The following CD302 variants were observed in gnomAD, a reference collection of about 807,000 sequenced individuals.
CD302 encodes the protein CD302 antigen.
In CD302, 23 loss-of-function variants were observed where a neutral mutation model predicts 26.5. The ratio of observed to expected loss-of-function variants is 0.87; its 90% CI spans 0.62 to 1.23. CD302 has a LOEUF of 1.23. CD302 is among the 50% of genes most tolerant of loss of function. The probability of loss-of-function intolerance (pLI) is 0.00; values close to 1 mark genes in which losing one functional copy is unlikely to be tolerated. For missense variants in CD302, 290 were observed against 275.5 expected, an observed-to-expected ratio of 1.05 and a Z score of -0.37; for synonymous variants, 90 against 99.4, an observed-to-expected ratio of 0.91 and a Z score of 0.56.
intron 1 of CD302, among the ~76,000 whole-genome samples, chr2:159,788,787 T>A (rs796510476): frequency 3.3e-5 from 5 of 152,224 alleles, no homozygotes; most frequent in Admixed American, 2.0e-4. Flanking sequence ...CTTATTTTCA[T>A]TGGTCACTTT....
chr2:159,781,199 T>C (rs1029009289), intron 2 of CD302, among the ~76,000 whole-genome samples: 9 of 152,196 alleles, frequency 5.9e-5, no homozygotes, highest in African/African-American at 9.6e-5. Context: ...ATTTATGTCA[T>C]TGAAATTATG....
At chr2:159,784,180 A>G (rs189401817) in intron 1 of CD302, among the ~76,000 whole-genome samples, 4 of 152,108 alleles carry the variant, frequency 2.6e-5, no homozygotes, top group African/African-American at 9.7e-5. Flanking sequence ...GTAACCCTGC[A>G]AGAGTTGATT....
chr2:159,792,350 CTG>C (rs1383649073), intron 1 of CD302, among the ~76,000 whole-genome samples: 1 of 152,056 alleles, frequency 6.6e-6, no homozygotes, highest in Non-Finnish European at 1.5e-5. Context: ...GATTGTCACA[CTG>C]TCTTATTTCC....
intron 2 of CD302, chr2:159,781,532 C>T (rs1001305597): frequency 3.4e-5 from 5 of 148,136 alleles, no homozygotes; most frequent in Non-Finnish European, 7.4e-5. Context: ...TGCACTCCAG[C>T]CTGGGCAACA....
At chr2:159,784,708 A>G (rs556971817) in intron 1 of CD302, among the ~76,000 whole-genome samples, 3 of 152,198 alleles carry the variant, frequency 2.0e-5, no homozygotes, top group African/African-American at 7.2e-5. Context: ...GCCCTACCAC[A>G]AAGATCAGAA....
At chr2:159,790,224 CAG>C in intron 1 of CD302, among the ~76,000 whole-genome samples, 1 of 152,092 alleles carries the variant, frequency 6.6e-6, no homozygotes, top group East Asian at 1.9e-4. Context: ...GACAGACAAA[CAG>C]ATATTCCGAA....
chr2:159,772,123 C>T (rs1419318145), intron 5 of CD302, 70 bp from the exon 6 acceptor site: 2 of 1,510,976 alleles, frequency 1.3e-6, no homozygotes, highest in East Asian at 2.4e-5. Flanking sequence ...TTTTGATGAG[C>T]ACAACTGTAG....
At chr2:159,781,888 A>T (rs1708523313) in intron 2 of CD302, among the ~76,000 whole-genome samples, 1 of 98,362 alleles carries the variant, frequency 1.0e-5, no homozygotes. Flanking sequence ...TCTATAATAA[A>T]TGTATATGAT....
At chr2:159,776,867 G>A (rs768024207) in intron 5 of CD302, among the ~76,000 whole-genome samples, 4 of 151,982 alleles carry the variant, frequency 2.6e-5, no homozygotes, top group African/African-American at 7.3e-5. Context: ...CACCGTGCCC[G>A]GCTAAGTTTT....
intron 4 of CD302, among the ~76,000 whole-genome samples, chr2:159,779,057 C>T (rs893932525): frequency 3.3e-5 from 5 of 151,582 alleles, no homozygotes; most frequent in Non-Finnish European, 7.4e-5. Context: ...TGGTGAAACC[C>T]CATCTCTACT....
At chr2:159,779,868 G>A in intron 4 of CD302, 137 bp downstream of exon 4, 1 of 1,002,962 alleles carries the variant, frequency 1.0e-6, no homozygotes. Flanking sequence ...TTACCATAAT[G>A]CTGGGATTGC....
chr2:159,790,657 G>C (rs1234322849), intron 1 of CD302, among the ~76,000 whole-genome samples: 2 of 151,432 alleles, frequency 1.3e-5, no homozygotes, highest in East Asian at 3.9e-4. Context: ...TCCTTTTATT[G>C]CTCTTTTTCT....
chr2:159,788,251 A>T (rs1432307501), intron 1 of CD302, among the ~76,000 whole-genome samples: 1 of 152,214 alleles, frequency 6.6e-6, no homozygotes, highest in African/African-American at 2.4e-5. Flanking sequence ...ATCTTGGTCA[A>T]TGATAGACTA....
intron 1 of CD302, 87 bp downstream of exon 1, chr2:159,798,045 C>T: frequency 2.3e-6 from 3 of 1,302,414 alleles, no homozygotes; most frequent in African/African-American, 1.5e-5. Context: ...GGGCCGCCCT[C>T]GGGTGCGCGG....
chr2:159,779,528 A>C (rs1056902314), intron 4 of CD302, among the ~76,000 whole-genome samples: 7 of 152,146 alleles, frequency 4.6e-5, no homozygotes, highest in Admixed American at 2.0e-4. Context: ...ATTTCATGTG[A>C]TCTGGCCTTA....
intron 1 of CD302, among the ~76,000 whole-genome samples, chr2:159,797,355 T>C (rs909589282): frequency 6.6e-6 from 1 of 152,196 alleles, no homozygotes; most frequent in Admixed American, 6.5e-5. Flanking sequence ...TTTTTGGAAG[T>C]CTGTGTTCTC....
chr2:159,771,940 CTG>C lies in CD302; in HGVS notation c.608_609del (p.Thr203SerfsTer11), dbSNP rs558991504. 444 of 1,613,970 alleles carry C rather than the reference CTG, an allele frequency of 2.8e-4. 2 individuals are homozygous for C. In the African/African-American group the frequency reaches 4.4e-3, roughly 16 times the overall value. On this transcript the variant is annotated frameshift_variant, in exon 6 of 6. Transcript: ENST00000259053. LOFTEE classifies it high-confidence loss of function. Reference protein sequence around the residue: ...YKKHSDSRFTTVFSTAPQSPY... With the variant: ...YKKHSDSRFTXVFSTAPQSPY... ...GGTGATTGGGGTGCGGTTGAAAAAA[CTG>C]TGGTGAAACGAGAATCAGAATGTTT... is the stretch of plus-strand genomic sequence containing the variant.
At chr2:159,774,184 C>CA (rs1708241876) in intron 5 of CD302, among the ~76,000 whole-genome samples, 1 of 152,054 alleles carries the variant, frequency 6.6e-6, no homozygotes, top group Non-Finnish European at 1.5e-5. Flanking sequence ...TTTGTGGACT[C>CA]AAAGCTTTCC....
At chr2:159,785,409 T>C (rs901154879) in intron 1 of CD302, among the ~76,000 whole-genome samples, 5 of 152,162 alleles carry the variant, frequency 3.3e-5, no homozygotes, top group African/African-American at 7.2e-5. Context: ...AAAGATACGG[T>C]TGTTTTGCAA....
Sources: allele counts gnomAD v4.1 joint callset (sites outside exome capture counted in the v4.1 genomes callset), GRCh38; gene constraint gnomAD v4.1.1; transcripts MANE v1.5; gene names NCBI Gene and HGNC (gene_info 2026-07-23, HGNC 2026-07-21).